Variants in GOLM2 observed in about 807,000 individuals in gnomAD.
GOLM2 encodes golgi membrane protein 2.
Under a neutral mutation model 55.9 loss-of-function variants are expected in GOLM2, and 26 were observed. That is an observed-to-expected ratio of 0.47 (90% CI 0.34 to 0.65). The LOEUF (loss-of-function observed/expected upper bound fraction) is 0.65. Ranked by LOEUF, GOLM2 falls within the 30% of genes least tolerant of loss-of-function variation. The pLI is 0.01. For missense variants in GOLM2, 486 were observed against 531.8 expected, an observed-to-expected ratio of 0.91 and a Z score of 0.85; for synonymous variants, 165 against 194.6, an observed-to-expected ratio of 0.85 and a Z score of 1.27.
intron 6 of GOLM2, among the ~76,000 whole-genome samples, chr15:44,363,281 T>C (rs2079256188): frequency 6.6e-6 from 1 of 152,230 alleles, no homozygotes; most frequent in South Asian, 2.1e-4. Context: ...AAAAAATTTT[T>C]GCAACCTGCT....
chr15:44,343,747 C>T (rs1331321757), intron 6 of GOLM2, among the ~76,000 whole-genome samples: 1 of 151,418 alleles, frequency 6.6e-6, no homozygotes, highest in Non-Finnish European at 1.5e-5. Context: ...ATCCCTTGAG[C>T]CCAGGAGGCA....
intron 6 of GOLM2, among the ~76,000 whole-genome samples, chr15:44,369,713 C>G (rs1357147666): frequency 6.6e-6 from 1 of 150,786 alleles, no homozygotes; most frequent in Non-Finnish European, 1.5e-5. Flanking sequence ...CACACACACA[C>G]ACACACACAC....
At position 44,315,562 on chromosome 15, in the gene GOLM2, AAAT is replaced by A. The variant is rs144572335; in HGVS notation, c.328-7400_328-7398del. Among the ~76,000 whole-genome samples the A allele has an allele frequency of 4.2e-3, 638 of 152,334 alleles. 16 individuals are homozygous for A. The highest frequency in any genetic ancestry group is 0.042 in the East Asian group (216 of 5,186). On this transcript the variant is annotated intron_variant, in intron 1 of 9. Coordinates refer to ENST00000299957, the MANE Select transcript of GOLM2 (RefSeq NM_138423.4). ...TATTGCAGGAAGAAAGATTAAGGGA[AAAT>A]AAATGAAGTAGCTGGGGATGAACAA... is the stretch of plus-strand genomic sequence containing the variant.
rs1444944531 is a variant in GOLM2 at position 44,330,670 on chromosome 15, A to G, written c.486-1318A>G. Among the ~76,000 whole-genome samples the G allele has an allele frequency of 2.6e-5, 4 of 152,214 alleles. No individual in the cohort carries two copies. In the East Asian group the frequency reaches 7.7e-4, roughly 29 times the overall value. On this transcript the variant is annotated intron_variant, in intron 3 of 9. Coordinates refer to ENST00000299957, the MANE Select transcript of GOLM2 (RefSeq NM_138423.4). ...TGCTTGAGCCCAGGAGGTTGAGGCT[A>G]CAGTGAACCATAATCATGCCTGCAC...
intron 6 of GOLM2, among the ~76,000 whole-genome samples, chr15:44,349,089 G>A (rs1030311284): frequency 7.3e-5 from 11 of 151,580 alleles, no homozygotes; most frequent in African/African-American, 1.9e-4. Context: ...GAGAAACCCC[G>A]TCTCTACTAA....
intron 6 of GOLM2, among the ~76,000 whole-genome samples, chr15:44,358,174 C>T (rs1232665383): frequency 6.6e-6 from 1 of 152,082 alleles, no homozygotes; most frequent in Non-Finnish European, 1.5e-5. Context: ...GCCAACATGG[C>T]AAAACCCTGT....
At chr15:44,370,366 G>A (rs1054290021) in intron 6 of GOLM2, among the ~76,000 whole-genome samples, 1 of 152,140 alleles carries the variant, frequency 6.6e-6, no homozygotes, top group African/African-American at 2.4e-5. Flanking sequence ...TCAGAGCATG[G>A]CCTTTAACTC....
At chr15:44,342,079 C>T (rs2079093968) in intron 6 of GOLM2, among the ~76,000 whole-genome samples, 1 of 152,098 alleles carries the variant, frequency 6.6e-6, no homozygotes, top group Non-Finnish European at 1.5e-5. Flanking sequence ...ACAATGTGAA[C>T]TTGCCATATG....
At chr15:44,337,701 A>T (rs1018667780) in intron 4 of GOLM2, 62 bp from the exon 5 acceptor site, 80 of 1,179,318 alleles carry the variant, frequency 6.8e-5, no homozygotes, top group Non-Finnish European at 9.0e-5. Flanking sequence ...TTTAATTAAT[A>T]GTTGTGTCGG....
chr15:44,314,559 CA>C (rs371029849), intron 1 of GOLM2, among the ~76,000 whole-genome samples: 3,912 of 75,622 alleles, frequency 0.052, 81 homozygotes, highest in African/African-American at 0.11. Flanking sequence ...AACTCCATCT[CA>C]AAAAAAAAAA....
chr15:44,297,867 C>CTTTT (rs370282797), intron 1 of GOLM2, among the ~76,000 whole-genome samples: 1 of 109,290 alleles, frequency 9.1e-6, no homozygotes. Context: ...CGCACCTGGC[C>CTTTT]TTTTTTTTTT....
chr15:44,294,711 C>CAA (rs1415785686), intron 1 of GOLM2, among the ~76,000 whole-genome samples: 2 of 47,072 alleles, frequency 4.2e-5, no homozygotes, highest in African/African-American at 7.7e-5. Context: ...GACTCCATCT[C>CAA]AAAAAAAAAA....
chr15:44,317,145 G>A (rs1595622808), intron 1 of GOLM2, among the ~76,000 whole-genome samples: 1 of 152,120 alleles, frequency 6.6e-6, no homozygotes, highest in East Asian at 1.9e-4. Flanking sequence ...GATTTAAAAT[G>A]GAGTACAGAG....
intron 1 of GOLM2, among the ~76,000 whole-genome samples, chr15:44,312,538 A>G (rs1167208403): frequency 6.6e-6 from 1 of 152,096 alleles, no homozygotes; most frequent in Non-Finnish European, 1.5e-5. Context: ...CAGCCTCTCT[A>G]CCTGTTCTCT....
In GOLM2 at chr15:44,402,825, C is replaced by T. The variant is rs962986951; in HGVS notation, c.1073-62C>T. 2.4e-5 allele frequency: 37 copies of T among 1,545,860 alleles called. 1 individual carries two copies. In the Admixed American group the frequency reaches 5.6e-4, roughly 23 times the overall value. On this transcript the variant is annotated intron_variant, in intron 8 of 9. Coordinates refer to ENST00000299957, the MANE Select transcript of GOLM2 (RefSeq NM_138423.4). ...CTTGTTTACTTTCTGGTCTGCCTTC[C>T]GTATAGATTCCTTCTTTTCTTCTCT...
chr15:44,403,113 T>C (rs1233546812), intron 9 of GOLM2, 59 bp downstream of exon 9: 3 of 1,595,124 alleles, frequency 1.9e-6, no homozygotes, highest in Non-Finnish European at 2.6e-6. Flanking sequence ...AGTTTTTTGG[T>C]TGAATTTGTG....
intron 8 of GOLM2, among the ~76,000 whole-genome samples, chr15:44,387,661 C>T (rs561567857): frequency 1.3e-5 from 2 of 151,846 alleles, no homozygotes; most frequent in South Asian, 4.2e-4. Context: ...ACTTGGGAGG[C>T]TGAGACATGA....
chr15:44,385,036 G>C (rs2079432808), intron 8 of GOLM2, among the ~76,000 whole-genome samples: 1 of 151,818 alleles, frequency 6.6e-6, no homozygotes, highest in Non-Finnish European at 1.5e-5. Context: ...TCTTTTTATG[G>C]CTGGATAATA....
intron 1 of GOLM2, among the ~76,000 whole-genome samples, chr15:44,298,628 CT>C: frequency 6.6e-6 from 1 of 152,214 alleles, no homozygotes; most frequent in South Asian, 2.1e-4. Flanking sequence ...GCTTCATTAA[CT>C]TATTTTGTTC....
Sources: gnomAD v4.1 joint callset for allele counts (sites outside exome capture counted in the v4.1 genomes callset) on GRCh38, gnomAD v4.1.1 for gene constraint, MANE v1.5 for transcripts, NCBI Gene and HGNC (gene_info 2026-07-23, HGNC 2026-07-21) for gene names.